The following C3orf49 variants were observed in gnomAD, a reference collection of about 807,000 sequenced individuals.
The protein encoded by C3orf49 is putative uncharacterized protein C3orf49.
A neutral mutation model predicts 13.3 loss-of-function variants in C3orf49; 27 were observed. That is an observed-to-expected ratio of 2.02 (90% CI 1.49 to 2.79). The LOEUF (loss-of-function observed/expected upper bound fraction) is 2.79. Among genes scored for constraint, C3orf49 ranks in the 30% most tolerant of loss-of-function variants. C3orf49 has a pLI of 0.00. For missense variants in C3orf49, 242 were observed against 134.2 expected, an observed-to-expected ratio of 1.80 and a Z score of -3.97; for synonymous variants, 87 against 47.6, an observed-to-expected ratio of 1.83 and a Z score of -3.40.
At chr3:63,841,244 G>A (rs1701753572) in intron 5 of C3orf49, among the ~76,000 whole-genome samples, 1 of 152,204 alleles carries the variant, frequency 6.6e-6, no homozygotes, top group South Asian at 2.1e-4. Context: ...ATGCATGTGT[G>A]TATTCAGAGA....
intron 3 of C3orf49, among the ~76,000 whole-genome samples, chr3:63,830,835 A>G (rs1332171281): frequency 6.6e-6 from 1 of 152,136 alleles, no homozygotes; most frequent in Non-Finnish European, 1.5e-5. Context: ...CCCCTTACGA[A>G]TGACCTGCTT....
At chr3:63,792,454 T>C in the C3orf49 span, among the ~76,000 whole-genome samples, 3 of 152,238 alleles carry the variant, frequency 2.0e-5, no homozygotes, top group Admixed American at 6.5e-5. Flanking sequence ...AAATGATATT[T>C]CATCACATAA....
At chr3:63,809,916 G>A in the C3orf49 span, among the ~76,000 whole-genome samples, 1 of 152,152 alleles carries the variant, frequency 6.6e-6, no homozygotes, top group Non-Finnish European at 1.5e-5. Context: ...GGGAGGCTGA[G>A]TCAGGTGGAT....
chr3:63,784,251 T>C, the C3orf49 span, among the ~76,000 whole-genome samples: 1 of 152,230 alleles, frequency 6.6e-6, no homozygotes, highest in South Asian at 2.1e-4. Context: ...AAAGTTAGTT[T>C]GTTAAAAAGT....
the C3orf49 span, among the ~76,000 whole-genome samples, chr3:63,790,341 G>A: frequency 6.6e-6 from 1 of 152,026 alleles, no homozygotes; most frequent in Admixed American, 6.6e-5. Context: ...GTGTAGGTGG[G>A]CCCAGGAATG....
chr3:63,796,917 G>A, the C3orf49 span, among the ~76,000 whole-genome samples: 2 of 152,134 alleles, frequency 1.3e-5, no homozygotes, highest in Non-Finnish European at 1.5e-5. Context: ...CAGGACAGGT[G>A]TCTGGTGGTC....
the C3orf49 span, chr3:63,782,473 A>C: frequency 6.6e-6 from 1 of 152,222 alleles, no homozygotes. Flanking sequence ...CATTGATGAG[A>C]AAAATCTTTA....
At chr3:63,841,292 G>A (rs1278255987) in intron 5 of C3orf49, among the ~76,000 whole-genome samples, 3 of 152,128 alleles carry the variant, frequency 2.0e-5, no homozygotes, top group East Asian at 1.9e-4. Context: ...TTGTAATAGC[G>A]GTTATTTCTG....
chr3:63,809,724 G>A, the C3orf49 span, among the ~76,000 whole-genome samples: 6 of 152,176 alleles, frequency 3.9e-5, no homozygotes, highest in Non-Finnish European at 8.8e-5. Flanking sequence ...CTGTGCCACA[G>A]AGACTTTGCT....
intron 3 of C3orf49, among the ~76,000 whole-genome samples, chr3:63,828,501 T>C (rs1701494030): frequency 6.6e-6 from 1 of 152,178 alleles, no homozygotes; most frequent in South Asian, 2.1e-4. Flanking sequence ...CGTTTCGCCA[T>C]GTTGGTCAGG....
chr3:63,831,276 G>C (rs1009320805), intron 4 of C3orf49, 53 bp downstream of exon 4: 9 of 688,698 alleles, frequency 1.3e-5, no homozygotes, highest in Admixed American at 2.2e-5. Context: ...AGAGAGCCAG[G>C]CTTAAGTAAA....
At chr3:63,829,599 G>C (rs750174344) in intron 3 of C3orf49, among the ~76,000 whole-genome samples, 1 of 152,122 alleles carries the variant, frequency 6.6e-6, no homozygotes. Flanking sequence ...CCATCAAATG[G>C]TGTTAGATCA....
chr3:63,803,656 A>T, the C3orf49 span, among the ~76,000 whole-genome samples: 1 of 152,134 alleles, frequency 6.6e-6, no homozygotes, highest in Non-Finnish European at 1.5e-5. Flanking sequence ...CTGTGCATGC[A>T]GTGGGTTTGT....
At chr3:63,801,576 C>T in the C3orf49 span, among the ~76,000 whole-genome samples, 5 of 152,214 alleles carry the variant, frequency 3.3e-5, no homozygotes, top group East Asian at 5.8e-4. Context: ...CTGTTGTCTA[C>T]GTAATAGAAA....
intron 1 of C3orf49, among the ~76,000 whole-genome samples, chr3:63,821,687 A>G (rs1195873714): frequency 1.3e-5 from 2 of 152,158 alleles, no homozygotes; most frequent in Non-Finnish European, 2.9e-5. Context: ...AGTGAAAAAA[A>G]GCATATCTCA....
chr3:63,815,319 C>A (rs143007401), upstream of C3orf49, among the ~76,000 whole-genome samples: 1 of 152,288 alleles, frequency 6.6e-6, no homozygotes, highest in South Asian at 2.1e-4. Context: ...TATTTAACTT[C>A]TTAAATATTG....
chr3:63,845,194 C>T (rs1312697261), intron 6 of C3orf49, 112 bp downstream of exon 6: 2 of 481,852 alleles, frequency 4.2e-6, no homozygotes, highest in Admixed American at 6.7e-5. Flanking sequence ...TTTAAGCTCG[C>T]TGATATCTTT....
chr3:63,835,053 G>A (rs1456709688), intron 5 of C3orf49: 1 of 1,148,144 alleles, frequency 8.7e-7, no homozygotes, highest in Admixed American at 2.4e-5. Flanking sequence ...TTCAGAAATT[G>A]AAGGTATACT....
the C3orf49 span, among the ~76,000 whole-genome samples, chr3:63,799,329 C>A: frequency 8.5e-5 from 13 of 152,160 alleles, no homozygotes; most frequent in South Asian, 4.1e-4. Flanking sequence ...ACCATGTGGA[C>A]AATACCTCAA....
Sources: gnomAD v4.1 joint callset for allele counts (sites outside exome capture counted in the v4.1 genomes callset) on GRCh38, gnomAD v4.1.1 for gene constraint, MANE v1.5 for transcripts, NCBI Gene and HGNC (gene_info 2026-07-23, HGNC 2026-07-21) for gene names.